The following TRHDE variants were observed in gnomAD, a reference collection of about 807,000 sequenced individuals.
The protein encoded by TRHDE is thyrotropin-releasing hormone-degrading ectoenzyme.
TRHDE carries 72 observed loss-of-function variants against 125.7 expected under a neutral mutation model. That is an observed-to-expected ratio of 0.57 (90% CI 0.47 to 0.70). The LOEUF is 0.70. TRHDE is among the 30% of genes least tolerant of loss of function. The probability of loss-of-function intolerance (pLI) is 0.00; values close to 1 mark genes in which losing one functional copy is unlikely to be tolerated. For synonymous variants in TRHDE, 509 were observed against 509.1 expected (o/e 1.00, Z 0.00); for missense variants, 1,110 against 1,327.1 (o/e 0.84, Z 2.54).
chr12:72,476,686 G>T (rs966702656), intron 5 of TRHDE, among the ~76,000 whole-genome samples: 2 of 152,114 alleles, frequency 1.3e-5, no homozygotes, highest in Non-Finnish European at 2.9e-5. Flanking sequence ...AGGCATCAAG[G>T]CTCAAACACT....
chr12:72,525,630 TGTGTGA>T (rs1435506148), intron 6 of TRHDE, among the ~76,000 whole-genome samples: 22 of 148,454 alleles, frequency 1.5e-4, no homozygotes, highest in South Asian at 4.2e-4. Context: ...TGTGTGTGTG[TGTGTGA>T]GAGAGAGAGA....
chr12:72,477,858 C>G (rs1876974123), intron 5 of TRHDE, among the ~76,000 whole-genome samples: 1 of 152,076 alleles, frequency 6.6e-6, no homozygotes, highest in Non-Finnish European at 1.5e-5. Context: ...TTTGTGTTGT[C>G]TATATTCTAG....
chr12:72,338,971 C>T (rs879938118), intron 2 of TRHDE, among the ~76,000 whole-genome samples: 28 of 152,234 alleles, frequency 1.8e-4, no homozygotes, highest in Non-Finnish European at 3.8e-4. Flanking sequence ...TAAACCAATT[C>T]AGTTTATCTG....
chr12:72,156,296 C>T (rs1458023406), intron 2 of TRHDE, among the ~76,000 whole-genome samples: 1 of 152,188 alleles, frequency 6.6e-6, no homozygotes, highest in Non-Finnish European at 1.5e-5. Context: ...CATCTGTCAC[C>T]CCTTTCTTTG....
intron 2 of TRHDE, chr12:72,256,283 C>T (rs1402109130): frequency 6.6e-6 from 1 of 152,152 alleles, no homozygotes; most frequent in Non-Finnish European, 1.5e-5. Flanking sequence ...TACTTTACTC[C>T]TCTCTGGCCA....
At chr12:72,180,069 T>G (rs1336601619) in intron 2 of TRHDE, among the ~76,000 whole-genome samples, 1 of 151,956 alleles carries the variant, frequency 6.6e-6, no homozygotes, top group African/African-American at 2.4e-5. Flanking sequence ...TTAGGTAGTA[T>G]TAATTGATGC....
intron 12 of TRHDE, among the ~76,000 whole-genome samples, chr12:72,602,118 TGATTTTTAAG>T (rs1872234013): frequency 6.6e-6 from 1 of 152,132 alleles, no homozygotes; most frequent in Non-Finnish European, 1.5e-5. Flanking sequence ...TGTTCTGCTT[TGATTTTTAAG>T]GACACTTAGT....
At chr12:72,312,838 A>G (rs777035351) in intron 2 of TRHDE, among the ~76,000 whole-genome samples, 1 of 152,174 alleles carries the variant, frequency 6.6e-6, no homozygotes, top group Non-Finnish European at 1.5e-5. Flanking sequence ...CTATACCTCC[A>G]CTATTTTTCC....
At chr12:72,240,059 A>C (rs1445776538) in intron 2 of TRHDE, among the ~76,000 whole-genome samples, 2 of 152,076 alleles carry the variant, frequency 1.3e-5, no homozygotes, top group Non-Finnish European at 2.9e-5. Flanking sequence ...AGTGCTCTGG[A>C]GTGTATTTAA....
At chr12:72,530,405 T>C (rs995799039) in intron 6 of TRHDE, among the ~76,000 whole-genome samples, 5 of 146,072 alleles carry the variant, frequency 3.4e-5, no homozygotes, top group African/African-American at 5.1e-5. Flanking sequence ...CTTCATTTTG[T>C]TTCCTAGAAG....
At chr12:72,611,461 G>C (rs1872630674) in intron 12 of TRHDE, 1 of 152,134 alleles carries the variant, frequency 6.6e-6, no homozygotes. Context: ...GGTGAATTCT[G>C]AACAAATTAT....
At chr12:72,527,345 T>G (rs1868353148) in intron 6 of TRHDE, among the ~76,000 whole-genome samples, 1 of 152,164 alleles carries the variant, frequency 6.6e-6, no homozygotes, top group South Asian at 2.1e-4. Context: ...AATTTTGACA[T>G]GAATTGGGAA....
chr12:72,199,085 G>T (rs113780764), intron 2 of TRHDE, among the ~76,000 whole-genome samples: 2,268 of 152,184 alleles, frequency 0.015, 18 homozygotes, highest in Non-Finnish European at 0.024. Flanking sequence ...CTCCCACCAG[G>T]TCCCTCTCCC....
chr12:72,120,206 A>G (rs1359541208), intron 2 of TRHDE, among the ~76,000 whole-genome samples: 1 of 151,878 alleles, frequency 6.6e-6, no homozygotes, highest in Non-Finnish European at 1.5e-5. Flanking sequence ...GCCCGCCATC[A>G]CGCCTGGTTA....
intron 15 of TRHDE, among the ~76,000 whole-genome samples, chr12:72,625,339 CTAACATAAA>C (rs1873215366): frequency 1.3e-5 from 2 of 151,660 alleles, no homozygotes; most frequent in African/African-American, 4.8e-5. Context: ...TGTCCATTCC[CTAACATAAA>C]TTGAAGACTG....
chr12:72,238,315 T>TATATATAC lies in TRHDE; in HGVS notation n.279+132571_279+132578dup, dbSNP rs1211801343. On this transcript the variant is annotated intron_variant and non_coding_transcript_variant, in intron 2 of 4. Coordinates refer to the TRHDE transcript ENST00000548156. The stretch of plus-strand genomic sequence containing the variant: ...ATATATATATATATATATATATATA[T>TATATATAC]ATATATACATATATATATACACATT... 1.6e-4 allele frequency among the ~76,000 whole-genome samples: 5 copies of TATATATAC among 32,024 alleles called. No individual in the cohort carries two copies. The South Asian group carries it at 4.3e-3, about 27-fold the overall frequency. 21.0% of individuals were successfully genotyped at this position (32,024 alleles called of 152,430 possible). A position where few individuals can be genotyped will look rare whatever the true frequency, so the allele number is the denominator to read the frequency against.
chr12:72,320,605 G>A (rs970354278), intron 2 of TRHDE, among the ~76,000 whole-genome samples: 4 of 149,118 alleles, frequency 2.7e-5, no homozygotes, highest in Non-Finnish European at 4.5e-5. Flanking sequence ...AATTGCGTTG[G>A]CTCTTCTATG....
chr12:72,273,632 G>A lies in TRHDE; in HGVS notation c.914+75G>A. On this transcript the variant is annotated intron_variant, in intron 1 of 18. Coordinates refer to ENST00000261180, the MANE Select transcript of TRHDE (RefSeq NM_013381.3). The surrounding 1 kb of genome is among the most constrained non-coding windows in gnomAD (Gnocchi z 5.3). The stretch of plus-strand genomic sequence containing the variant: ...GAACCTCTGGGCGGCCTGCGACCCC[G>A]GGGACCCAGCTGGCTTCCAATACCC... The A allele has an allele frequency of 1.4e-6, 2 of 1,416,060 alleles. No individual in the cohort carries two copies. The highest frequency in any genetic ancestry group is 4.6e-5 in the East Asian group (2 of 43,426). The allele number at this position is 1,416,060 out of a possible 1,614,324, so 87.7% of individuals were successfully genotyped here.
chr12:72,403,040 A>C (rs1290403411), intron 3 of TRHDE, among the ~76,000 whole-genome samples: 1 of 152,176 alleles, frequency 6.6e-6, no homozygotes, highest in East Asian at 1.9e-4. Flanking sequence ...TAAGCCTGGA[A>C]AAATCTGGTA....
Sources: gnomAD v4.1 joint callset for allele counts (sites outside exome capture counted in the v4.1 genomes callset) on GRCh38, gnomAD v4.1.1 for gene constraint, Gnocchi (gnomAD v3.1) non-coding constraint, MANE v1.5 for transcripts, NCBI Gene and HGNC (gene_info 2026-07-23, HGNC 2026-07-21) for gene names.